Variants in PARD3 observed in about 807,000 individuals in gnomAD.
PARD3 encodes the protein partitioning defective 3 homolog.
Under a neutral mutation model 155.4 loss-of-function variants are expected in PARD3, and 75 were observed. The ratio of observed to expected loss-of-function variants is 0.48; its 90% CI spans 0.40 to 0.58. The LOEUF (loss-of-function observed/expected upper bound fraction) is 0.58. Ranked by LOEUF, PARD3 falls within the 20% of genes least tolerant of loss-of-function variation. PARD3 has a pLI of 0.00. For missense variants in PARD3, 1,642 were observed against 1,721.7 expected (o/e 0.95, Z 0.82); for synonymous variants, 576 against 610.5 (o/e 0.94, Z 0.83).
At chr10:34,128,006 G>GA (rs1947378063) in intron 23 of PARD3, among the ~76,000 whole-genome samples, 1 of 152,126 alleles carries the variant, frequency 6.6e-6, no homozygotes, top group Admixed American at 6.6e-5. Context: ...AAATACCTTA[G>GA]AAAAATGCCA....
At chr10:34,187,523 A>G (rs1052154398) in intron 22 of PARD3, among the ~76,000 whole-genome samples, 2 of 152,196 alleles carry the variant, frequency 1.3e-5, no homozygotes, top group Non-Finnish European at 2.9e-5. Flanking sequence ...TCATCAAGAC[A>G]TTGTCTAAAA....
Position 34,362,655 on chromosome 10 carries a change from C to T in PARD3, c.1708-2396G>A, listed in dbSNP as rs145221642. On this transcript the variant is annotated intron_variant, in intron 12 of 24. Transcript: ENST00000374788. ...GGACTACAGGAACATGTCAACAAAC[C>T]GGGCAAATTTTTGTATTTCTTTAGA... Among the ~76,000 whole-genome samples the T allele has an allele frequency of 2.8e-4, 42 of 152,204 alleles. No homozygotes were observed. The East Asian group carries it at 7.6e-3, about 27-fold the overall frequency.
chr10:34,294,311 C>T (rs377111247), intron 20 of PARD3, among the ~76,000 whole-genome samples: 30 of 152,296 alleles, frequency 2.0e-4, no homozygotes, highest in Non-Finnish European at 2.8e-4. Context: ...CACATACATA[C>T]GTTACAGCAA....
intron 3 of PARD3, among the ~76,000 whole-genome samples, chr10:34,471,818 A>G (rs1348047088): frequency 2.0e-5 from 3 of 152,130 alleles, no homozygotes; most frequent in Non-Finnish European, 4.4e-5. Context: ...CTCGGCCCCA[A>G]AAAGTGCTGG....
At chr10:34,224,890 G>C (rs912361125) in intron 22 of PARD3, among the ~76,000 whole-genome samples, 2 of 152,158 alleles carry the variant, frequency 1.3e-5, no homozygotes, top group Non-Finnish European at 2.9e-5. Context: ...CTACAAAGCA[G>C]TCTACTGAGT....
chr10:34,557,231 A>T lies in PARD3; in HGVS notation c.223-40072T>A, dbSNP rs367574692. The stretch of plus-strand genomic sequence containing the variant: ...TTGGTTTTGAGGAGAAAAATAGGTT[A>T]TAACCAACCAAGCGACTTGACAAGA... On this transcript the variant is annotated intron_variant, in intron 2 of 24. Transcript: ENST00000374788. Among the ~76,000 whole-genome samples the T allele has an allele frequency of 1.8e-4, 27 of 152,224 alleles. 1 individual carries two copies. The highest frequency in any genetic ancestry group is 4.8e-4 in the African/African-American group (20 of 41,462).
At position 34,124,904 on chromosome 10, in the gene PARD3, T is replaced by C. The variant is rs547114890; in HGVS notation, c.3541-5164A>G. Among the ~76,000 whole-genome samples, 3 of 152,250 alleles carry C rather than the reference T, an allele frequency of 2.0e-5. No homozygotes were observed. In the South Asian group the frequency reaches 6.2e-4, roughly 32 times the overall value. On this transcript the variant is annotated intron_variant, in intron 23 of 24. Transcript: ENST00000374788. ...AACCCAAGGTAGCTTCAGGAGTTCC[T>C]ACCACACAGGGCTTCTGAGCATAGC... is the stretch of plus-strand genomic sequence containing the variant.
chr10:34,191,640 T>G (rs1950711175), intron 22 of PARD3, among the ~76,000 whole-genome samples: 1 of 104,990 alleles, frequency 9.5e-6, no homozygotes, highest in Non-Finnish European at 1.8e-5. Flanking sequence ...TGCTTCAGCC[T>G]TGGGGGTGGG....
At chr10:34,575,372 C>A (rs924658722) in intron 2 of PARD3, among the ~76,000 whole-genome samples, 50 of 152,278 alleles carry the variant, frequency 3.3e-4, no homozygotes, top group Admixed American at 1.5e-3. Context: ...ATTTTAAACT[C>A]TTGGGACATA....
At chr10:34,278,421 C>T (rs1347985218) in intron 21 of PARD3, among the ~76,000 whole-genome samples, 1 of 152,090 alleles carries the variant, frequency 6.6e-6, no homozygotes, top group East Asian at 1.9e-4. Flanking sequence ...TTTAAAAAGA[C>T]TTATACTATC....
chr10:34,550,009 C>T (rs36042302), intron 2 of PARD3, among the ~76,000 whole-genome samples: 2,926 of 152,224 alleles, frequency 0.019, 52 homozygotes, highest in Non-Finnish European at 0.03. Flanking sequence ...GCTTTAATCA[C>T]CAAGAGCCTT....
chr10:34,294,954 G>C (rs61617106), intron 20 of PARD3, among the ~76,000 whole-genome samples: 2,352 of 152,226 alleles, frequency 0.015, 67 homozygotes, highest in African/African-American at 0.054. Flanking sequence ...TGCAATACTA[G>C]CACTTTGGGA....
intron 22 of PARD3, among the ~76,000 whole-genome samples, chr10:34,142,551 A>G (rs1948244589): frequency 6.6e-6 from 1 of 151,492 alleles, no homozygotes; most frequent in Non-Finnish European, 1.5e-5. Flanking sequence ...AGAAAGAAAC[A>G]AAGAAAAGAA....
At chr10:34,563,024 A>C (rs963923401) in intron 2 of PARD3, among the ~76,000 whole-genome samples, 1 of 152,042 alleles carries the variant, frequency 6.6e-6, no homozygotes, top group Admixed American at 6.6e-5. Flanking sequence ...TTCAACCTTG[A>C]TCTCCCAAAG....
At position 34,382,640 on chromosome 10, in the gene PARD3, G is replaced by C; in HGVS notation, c.1299C>G (p.Ser433=). The change falls in exon 9 of 25, where the codon TCC becomes TCG. Residue 433 remains serine, a synonymous_variant. Transcript: ENST00000374788. ...CATTCTGAGGTGCCGAGGCTGGAGC[G>C]GATGGTGGTTTTCCCGAGGGGTGTG... is the stretch of plus-strand genomic sequence containing the variant. ...HSAHPSGKPP[S]APASAPQNVF... is the part of the protein sequence containing the mutation. The C allele has an allele frequency of 6.2e-7, 1 of 1,614,070 alleles. No homozygotes were observed. Among genetic ancestry groups the C allele is most frequent in the Non-Finnish European group, 8.5e-7 (1 of 1,180,038 alleles).
intron 21 of PARD3, among the ~76,000 whole-genome samples, chr10:34,283,217 T>C (rs906451540): frequency 6.6e-6 from 1 of 152,142 alleles, no homozygotes; most frequent in African/African-American, 2.4e-5. Flanking sequence ...CTGGGCTTAA[T>C]CTTAAAGATG....
intron 20 of PARD3, among the ~76,000 whole-genome samples, chr10:34,297,685 G>A (rs918652191): frequency 6.6e-6 from 1 of 152,124 alleles, no homozygotes; most frequent in Non-Finnish European, 1.5e-5. Flanking sequence ...GTTAGTCTTG[G>A]CCAGCACAAT....
intron 12 of PARD3, among the ~76,000 whole-genome samples, chr10:34,366,700 TTAAC>T (rs1206059330): frequency 6.6e-6 from 1 of 152,210 alleles, no homozygotes; most frequent in Non-Finnish European, 1.5e-5. Context: ...ATTTATATTT[TTAAC>T]TAAGAGAAAG....
At chr10:34,504,780 T>C (rs1409532111) in intron 3 of PARD3, among the ~76,000 whole-genome samples, 1 of 152,100 alleles carries the variant, frequency 6.6e-6, no homozygotes, top group African/African-American at 2.4e-5. Context: ...TCCAGCTGGG[T>C]AGAGGAGCCA....
Sources: allele counts gnomAD v4.1 joint callset (sites outside exome capture counted in the v4.1 genomes callset), GRCh38; gene constraint gnomAD v4.1.1; transcripts MANE v1.5; gene names NCBI Gene and HGNC (gene_info 2026-07-23, HGNC 2026-07-21).